TTC39B: variants seen among roughly 807,000 people sequenced by gnomAD.
The protein encoded by TTC39B is tetratricopeptide repeat protein 39B.
TTC39B carries 92 observed loss-of-function variants against 96.6 expected under a neutral mutation model. That is an observed-to-expected ratio of 0.95 (90% CI 0.80 to 1.13). The LOEUF is 1.13. TTC39B is among the 50% of genes most tolerant of loss of function. The pLI is 0.00. For missense variants in TTC39B, 955 were observed against 809.3 expected, an observed-to-expected ratio of 1.18 and a Z score of -2.18; for synonymous variants, 367 against 299.4, an observed-to-expected ratio of 1.23 and a Z score of -2.33.
At chr9:15,249,988 TACC>T (rs150041357) in intron 2 of TTC39B, 77,037 of 1,286,060 alleles carry the variant, frequency 0.06, 2,602 homozygotes, top group African/African-American at 0.12. Context: ...CCCTCTCTTC[TACC>T]AGATTTTTTT....
chr9:15,182,395 A>G (rs551488869), exon 17 of TTC39B: 13 of 1,611,348 alleles, frequency 8.1e-6, no homozygotes, highest in African/African-American at 5.3e-5. Flanking sequence ...TTGAAAAACC[A>G]TTCCAGACAT....
chr9:15,174,172 A>G (rs546654958), intron 19 of TTC39B, among the ~76,000 whole-genome samples: 1 of 152,278 alleles, frequency 6.6e-6, no homozygotes, highest in Non-Finnish European at 1.5e-5. Flanking sequence ...TACCACTGAT[A>G]TTTTTCTTGT....
chr9:15,299,832 G>A (rs2131618351), intron 1 of TTC39B, among the ~76,000 whole-genome samples: 1 of 152,204 alleles, frequency 6.6e-6, no homozygotes, highest in Middle Eastern at 3.4e-3. Flanking sequence ...GAGATAAGAA[G>A]GCAAGCAGCT....
chr9:15,210,617 G>C (rs1053438106), intron 5 of TTC39B, among the ~76,000 whole-genome samples: 2 of 152,080 alleles, frequency 1.3e-5, no homozygotes, highest in Non-Finnish European at 2.9e-5. Flanking sequence ...TCCTATGGGG[G>C]GCACATCAAG....
At chr9:15,268,972 C>G (rs146728028) in intron 1 of TTC39B, among the ~76,000 whole-genome samples, 84 of 152,298 alleles carry the variant, frequency 5.5e-4, no homozygotes, top group African/African-American at 2.0e-3. Context: ...CTGACCACAT[C>G]CCCTTACTCA....
At chr9:15,212,485 G>T (rs1191042731) in intron 4 of TTC39B, among the ~76,000 whole-genome samples, 1 of 152,146 alleles carries the variant, frequency 6.6e-6, no homozygotes, top group East Asian at 1.9e-4. Flanking sequence ...AAGTACAATG[G>T]CACAATCTCG....
chr9:15,250,965 A>AG (rs779071834), intron 2 of TTC39B, among the ~76,000 whole-genome samples: 2 of 152,152 alleles, frequency 1.3e-5, no homozygotes, highest in East Asian at 1.9e-4. Context: ...AGGGAGGCTG[A>AG]GGGGGGCAGA....
At chr9:15,216,224 C>T (rs115032433) in intron 3 of TTC39B, among the ~76,000 whole-genome samples, 50 of 152,286 alleles carry the variant, frequency 3.3e-4, no homozygotes, top group African/African-American at 1.2e-3. Context: ...CTCTCTAGGA[C>T]ATAAATGCAA....
intron 3 of TTC39B, among the ~76,000 whole-genome samples, chr9:15,224,750 G>A (rs910369729): frequency 2.6e-5 from 4 of 151,978 alleles, no homozygotes; most frequent in African/African-American, 9.7e-5. Flanking sequence ...TCTTTTTGAA[G>A]AAAACACAAA....
At chr9:15,289,515 A>C (rs1824102722) in intron 1 of TTC39B, among the ~76,000 whole-genome samples, 1 of 152,232 alleles carries the variant, frequency 6.6e-6, no homozygotes, top group Non-Finnish European at 1.5e-5. Flanking sequence ...GCTCACAGAG[A>C]GGTTAAGTTA....
At chr9:15,206,946 G>A (rs964475016) in intron 6 of TTC39B, among the ~76,000 whole-genome samples, 5 of 152,032 alleles carry the variant, frequency 3.3e-5, no homozygotes, top group Admixed American at 2.0e-4. Context: ...TCATGGGGGT[G>A]GTTTCTCCCA....
chr9:15,277,370 G>C (rs574413310), intron 1 of TTC39B, among the ~76,000 whole-genome samples: 2 of 152,354 alleles, frequency 1.3e-5, no homozygotes, highest in African/African-American at 4.8e-5. Flanking sequence ...AGCGGTTGCA[G>C]TGAGCCAAGA....
chr9:15,199,604 G>A (rs978729805), intron 8 of TTC39B, among the ~76,000 whole-genome samples: 53 of 151,248 alleles, frequency 3.5e-4, no homozygotes, highest in African/African-American at 2.4e-4. Flanking sequence ...GCGTGGTGGC[G>A]GGCGCCTGTA....
At chr9:15,261,646 C>T (rs901739249) in intron 2 of TTC39B, among the ~76,000 whole-genome samples, 2 of 152,138 alleles carry the variant, frequency 1.3e-5, no homozygotes, top group African/African-American at 4.8e-5. Context: ...GAACTGTTCA[C>T]CCAGCATGTC....
intron 1 of TTC39B, among the ~76,000 whole-genome samples, chr9:15,293,587 G>C (rs1025986602): frequency 1.7e-5 from 2 of 117,998 alleles, no homozygotes; most frequent in African/African-American, 4.5e-5. Context: ...CTGGCGGTGA[G>C]ACACAGGGAT....
chr9:15,234,381 C>T (rs1466505854), intron 2 of TTC39B, among the ~76,000 whole-genome samples: 1 of 150,568 alleles, frequency 6.6e-6, no homozygotes, highest in Non-Finnish European at 1.5e-5. Context: ...CCCGCCCGGC[C>T]AGCTGCCCCA....
At chr9:15,301,737 CAG>C (rs1210369269) in intron 1 of TTC39B, among the ~76,000 whole-genome samples, 1 of 142,440 alleles carries the variant, frequency 7.0e-6, no homozygotes, top group Non-Finnish European at 1.5e-5. Flanking sequence ...GCCTGGGCAA[CAG>C]AGAGAGAGTC....
At chr9:15,187,150 A>T in intron 14 of TTC39B, 115 bp from the exon 15 acceptor site, 2 of 681,308 alleles carry the variant, frequency 2.9e-6, no homozygotes, top group East Asian at 5.5e-5. Context: ...GCATTAAAGA[A>T]ATCAGAGGAA....
At chr9:15,284,274 C>T (rs1012326884) in intron 1 of TTC39B, among the ~76,000 whole-genome samples, 2 of 152,136 alleles carry the variant, frequency 1.3e-5, no homozygotes, top group Admixed American at 6.5e-5. Flanking sequence ...GCAGAGATGC[C>T]GGAAAATAAG....
Sources: gnomAD v4.1 joint callset for allele counts (sites outside exome capture counted in the v4.1 genomes callset) on GRCh38, gnomAD v4.1.1 for gene constraint, MANE v1.5 for transcripts, NCBI Gene and HGNC (gene_info 2026-07-23, HGNC 2026-07-21) for gene names.